The following CTIF variants were observed in gnomAD, a reference collection of about 807,000 sequenced individuals.
The protein encoded by CTIF is cap binding complex dependent translation initiation factor.
A neutral mutation model predicts 66.0 loss-of-function variants in CTIF; 21 were observed. That is an observed-to-expected ratio of 0.32 (90% CI 0.23 to 0.46). The LOEUF is 0.46. Ranked by LOEUF, CTIF falls within the 20% of genes least tolerant of loss-of-function variation. The probability of loss-of-function intolerance (pLI) is 1.00; values close to 1 mark genes in which losing one functional copy is unlikely to be tolerated. For synonymous variants in CTIF, 345 were observed against 326.4 expected (o/e 1.06, Z -0.62); for missense variants, 739 against 812.7 (o/e 0.91, Z 1.10).
chr18:48,761,911 A>G lies in CTIF; in HGVS notation c.1371+222A>G, dbSNP rs1909039522. Among the ~76,000 whole-genome samples, 1 of 152,224 alleles carries G rather than the reference A, an allele frequency of 6.6e-6. No homozygotes were observed. The highest frequency in any genetic ancestry group is 6.5e-5 in the Admixed American group (1 of 15,276). On this transcript the variant is annotated intron_variant, in intron 9 of 11. Coordinates refer to ENST00000256413, the MANE Select transcript of CTIF (RefSeq NM_014772.3). This position sits in a 1 kb window ranked among gnomAD's most constrained non-coding sequence, Gnocchi z 4.2. The stretch of plus-strand genomic sequence containing the variant: ...TGGGCTCCCTGGTTACAATGGACCA[A>G]TATAATTTTATAGGTGCTTTATGTT...
chr18:48,546,190 T>C (rs573842510), intron 1 of CTIF, among the ~76,000 whole-genome samples: 1 of 151,974 alleles, frequency 6.6e-6, no homozygotes, highest in East Asian at 1.9e-4. Flanking sequence ...TTAAATAGAG[T>C]GTTGCAGATC....
At chr18:48,636,816 G>T (rs547335732) in intron 3 of CTIF, 131 bp downstream of exon 3, 2 of 567,444 alleles carry the variant, frequency 3.5e-6, no homozygotes, top group Admixed American at 4.2e-5. Flanking sequence ...AGGGGAGGGG[G>T]CATCTGTTCC....
chr18:48,816,551 G>C (rs1021488315), intron 9 of CTIF, among the ~76,000 whole-genome samples: 1 of 152,066 alleles, frequency 6.6e-6, no homozygotes, highest in Non-Finnish European at 1.5e-5. Flanking sequence ...CCAGCTCCTT[G>C]GTTTTTTATA....
intron 6 of CTIF, among the ~76,000 whole-genome samples, chr18:48,679,265 T>C (rs2091698535): frequency 6.6e-6 from 1 of 152,220 alleles, no homozygotes; most frequent in South Asian, 2.1e-4. Flanking sequence ...GTCATATACC[T>C]GTTCAACTTA....
intron 6 of CTIF, among the ~76,000 whole-genome samples, chr18:48,694,293 A>G (rs183445063): frequency 1.3e-5 from 2 of 152,348 alleles, no homozygotes; most frequent in East Asian, 1.9e-4. Context: ...CCCAAGGACA[A>G]TGGATTCAGG....
chr18:48,851,206 C>G (rs1474511911), intron 10 of CTIF, among the ~76,000 whole-genome samples: 1 of 152,212 alleles, frequency 6.6e-6, no homozygotes, highest in African/African-American at 2.4e-5. Flanking sequence ...GCCCCAGGAG[C>G]CTGCCTGCGG....
At chr18:48,747,596 A>G (rs1907354818) in intron 7 of CTIF, among the ~76,000 whole-genome samples, 1 of 152,120 alleles carries the variant, frequency 6.6e-6, no homozygotes, top group Non-Finnish European at 1.5e-5. Flanking sequence ...TTAGGAGAAG[A>G]GAAATTGGCT....
At chr18:48,834,262 G>A (rs762424452) in intron 10 of CTIF, among the ~76,000 whole-genome samples, 6 of 152,232 alleles carry the variant, frequency 3.9e-5, no homozygotes, top group East Asian at 1.9e-4. Flanking sequence ...AGCCGTAGAC[G>A]ATATGCAAAT....
intron 1 of CTIF, among the ~76,000 whole-genome samples, chr18:48,546,775 A>C (rs2088762301): frequency 6.6e-6 from 1 of 152,080 alleles, no homozygotes; most frequent in South Asian, 2.1e-4. Context: ...TGCTGGGAGA[A>C]AGGATGGACT....
rs1415769766 is a variant in CTIF at position 48,699,066 on chromosome 18, T to C, written c.508-12553T>C. ...GCCCCTGCTGGTTCTCGGTCAGACC[T>C]GAGGAGAGAGGTCCTCTCTTCCCCA... On this transcript the variant is annotated intron_variant, in intron 6 of 11. Coordinates refer to ENST00000256413, the MANE Select transcript of CTIF (RefSeq NM_014772.3). Among the ~76,000 whole-genome samples the C allele has an allele frequency of 2.0e-5, 3 of 152,150 alleles. No individual in the cohort carries two copies. In the East Asian group the frequency reaches 5.8e-4, roughly 29 times the overall value.
At chr18:48,728,086 C>A (rs533435902) in intron 7 of CTIF, among the ~76,000 whole-genome samples, 3 of 152,198 alleles carry the variant, frequency 2.0e-5, no homozygotes, top group Admixed American at 2.0e-4. Flanking sequence ...TCATTAAGTA[C>A]ATTTTCTGCT....
chr18:48,634,276 T>C (rs1185479974), intron 2 of CTIF, among the ~76,000 whole-genome samples: 1 of 152,194 alleles, frequency 6.6e-6, no homozygotes, highest in Non-Finnish European at 1.5e-5. Context: ...TATGTTTTGT[T>C]ACTGGTGATA....
At chr18:48,575,367 C>T (rs372246182) in intron 1 of CTIF, among the ~76,000 whole-genome samples, 302 of 152,334 alleles carry the variant, frequency 2.0e-3, no homozygotes, top group African/African-American at 7.0e-3. Context: ...ATCCAGACCC[C>T]GTGCCTTTTT....
chr18:48,604,157 T>C (rs2090159445), intron 1 of CTIF, among the ~76,000 whole-genome samples: 1 of 146,104 alleles, frequency 6.8e-6, no homozygotes, highest in African/African-American at 2.5e-5. Context: ...TCCGTGATTT[T>C]TTTTTTAAGG....
intron 1 of CTIF, among the ~76,000 whole-genome samples, chr18:48,599,772 G>A (rs1162075853): frequency 6.6e-6 from 1 of 152,192 alleles, no homozygotes; most frequent in Non-Finnish European, 1.5e-5. Flanking sequence ...CTCCTCTAGC[G>A]ACAGGGTGGG....
At chr18:48,576,746 G>A (rs147077937) in intron 1 of CTIF, among the ~76,000 whole-genome samples, 2 of 152,158 alleles carry the variant, frequency 1.3e-5, no homozygotes, top group African/African-American at 2.4e-5. Context: ...GGGAGGATTC[G>A]GTCTGCTCAA....
At chr18:48,586,276 C>CTTTTT (rs545720420) in intron 1 of CTIF, among the ~76,000 whole-genome samples, 1 of 138,488 alleles carries the variant, frequency 7.2e-6, no homozygotes, top group Non-Finnish European at 1.6e-5. Context: ...CACACTTTTA[C>CTTTTT]TTTTTTTTTT....
At chr18:48,590,589 C>T (rs1049418056) in intron 1 of CTIF, among the ~76,000 whole-genome samples, 11 of 152,208 alleles carry the variant, frequency 7.2e-5, no homozygotes, top group African/African-American at 2.4e-4. Context: ...GGCTTCTGGA[C>T]ATCAAATCCT....
rs1387542954 is a variant in CTIF at position 48,619,589 on chromosome 18, A to G, written c.24A>G (p.Ser8=). 1.3e-5 allele frequency: 20 copies of G among 1,588,038 alleles called. No homozygotes were observed. In the East Asian group the frequency reaches 4.3e-4, roughly 34 times the overall value. The change falls in exon 2 of 12, where the codon TCA becomes TCG. Residue 8 remains serine (S), a synonymous_variant. Transcript: ENST00000256413. ...GGATGGAAAACTCCTCTGCAGCATC[A>G]GCCTCCTCGGAGGCAGGGAGCAGCC... The part of the protein sequence containing the change: MENSSAA[S]ASSEAGSSRS...
Sources: allele counts gnomAD v4.1 joint callset (sites outside exome capture counted in the v4.1 genomes callset), GRCh38; gene constraint gnomAD v4.1.1; non-coding constraint Gnocchi (gnomAD v3.1); transcripts MANE v1.5; gene names NCBI Gene and HGNC (gene_info 2026-07-23, HGNC 2026-07-21).